Variants in CP observed in about 807,000 individuals in gnomAD.
The protein encoded by CP is caeruloplasmin.
In CP, 64 loss-of-function variants were observed where a neutral mutation model predicts 122.4. The observed-to-expected ratio is 0.52, with a 90% CI of 0.43 to 0.64. CP has a LOEUF of 0.64. Among genes scored for constraint, CP ranks in the 30% least tolerant of loss-of-function variants. The pLI is 0.00. For synonymous variants in CP, 440 were observed against 436.4 expected (o/e 1.01, Z -0.10); for missense variants, 1,167 against 1,284.4 (o/e 0.91, Z 1.40).
intron 9 of CP, among the ~76,000 whole-genome samples, chr3:149,189,553 C>CAAAAAAAAAAAAAAAAAAAAAAAA (rs368946126): frequency 1.1e-5 from 1 of 89,322 alleles, no homozygotes; most frequent in Non-Finnish European, 2.5e-5. Flanking sequence ...GACTCTATCT[C>CAAAAAAAAAAAAAAAAAAAAAAAA]AAAAAAAAAA....
chr3:149,212,371 A>G (rs1425222920), intron 2 of CP, 80 bp downstream of exon 2: 2 of 1,501,120 alleles, frequency 1.3e-6, no homozygotes, highest in Non-Finnish European at 1.8e-6. Flanking sequence ...TATCCAGGAG[A>G]GAAGTCCACA....
downstream of CP, among the ~76,000 whole-genome samples, chr3:149,170,034 T>A (rs142884254): frequency 6.6e-6 from 1 of 152,170 alleles, no homozygotes; most frequent in Non-Finnish European, 1.5e-5. Context: ...CAACCCTAAA[T>A]CAGGCCTAAT....
intron 3 of CP, 35 bp downstream of exon 3, chr3:149,210,132 G>T (rs1728009016): frequency 6.3e-7 from 1 of 1,593,538 alleles, no homozygotes; most frequent in African/African-American, 1.3e-5. Context: ...CCTGTCTTTT[G>T]GTCATATAGC....
chr3:149,203,702 C>A (rs554098444), intron 6 of CP, among the ~76,000 whole-genome samples: 3 of 152,320 alleles, frequency 2.0e-5, no homozygotes, highest in Admixed American at 2.0e-4. Context: ...TTCATCATTT[C>A]TTTCACTTGA....
intron 11 of CP, 120 bp from the exon 12 acceptor site, chr3:149,185,566 CCTT>C: frequency 2.3e-6 from 2 of 865,298 alleles, no homozygotes; most frequent in Non-Finnish European, 3.7e-6. Context: ...GCTTTCCACA[CCTT>C]CTGCTCACCC....
intron 4 of CP, among the ~76,000 whole-genome samples, chr3:149,208,303 C>T (rs889356895): frequency 2.0e-5 from 3 of 152,082 alleles, no homozygotes; most frequent in African/African-American, 4.8e-5. Context: ...TGGGAAGAAT[C>T]CTGAGTGCAC....
chr3:149,200,952 A>C (rs1326294579), intron 7 of CP, among the ~76,000 whole-genome samples: 2 of 152,080 alleles, frequency 1.3e-5, no homozygotes, highest in African/African-American at 4.8e-5. Context: ...GGAAAAAAAA[A>C]AGTGAAGAAC....
intron 1 of CP, among the ~76,000 whole-genome samples, chr3:149,218,723 CTT>C (rs1214103381): frequency 6.6e-6 from 1 of 152,096 alleles, no homozygotes; most frequent in African/African-American, 2.4e-5. Flanking sequence ...CTCATTTAAA[CTT>C]ATTCAGAAAT....
At chr3:149,217,382 T>G (rs545739784) in intron 1 of CP, among the ~76,000 whole-genome samples, 2 of 152,226 alleles carry the variant, frequency 1.3e-5, no homozygotes, top group South Asian at 2.1e-4. Flanking sequence ...GCGCCTTGGG[T>G]TCCTACGTAA....
chr3:149,206,279 A>G lies in CP; in HGVS notation c.1097T>C (p.Ile366Thr). Residue 366 changes from isoleucine (I) to threonine (T), a missense_variant, in exon 6 of 19, where the codon ATC (isoleucine) becomes ACC (threonine). Coordinates refer to ENST00000264613, the MANE Select transcript of CP (RefSeq NM_000096.4). Reference protein sequence around the residue: ...ECNKSSSKDNIRGKHVRHYYI... With the variant: ...ECNKSSSKDNTRGKHVRHYYI... ...GTAGTGTCTAACATGCTTCCCACGG[A>G]TATTATCCTTTGATGAAGACTTGTT... 4 of 1,614,014 alleles carry G rather than the reference A, an allele frequency of 2.5e-6. No homozygotes were observed. The Middle Eastern group carries it at 4.9e-4, about 200-fold the overall frequency.
At chr3:149,163,267 G>A (rs1310887101) in intron 5 of CP, among the ~76,000 whole-genome samples, 3 of 152,176 alleles carry the variant, frequency 2.0e-5, no homozygotes, top group African/African-American at 4.8e-5. Flanking sequence ...GAAGGCTGTG[G>A]GAGGGAGACT....
rs147593958 is a variant in CP at position 149,167,078 on chromosome 3, G to C, written c.587-1028C>G. 1 of 1,613,604 alleles carries C rather than the reference G, an allele frequency of 6.2e-7. No individual in the cohort carries two copies. Among genetic ancestry groups the C allele is most frequent in the Non-Finnish European group, 8.5e-7 (1 of 1,179,760 alleles). The stretch of plus-strand genomic sequence containing the variant: ...CATTTGACATAGCTTCCATTATTCC[G>C]TTCTTGGAGCCACTTTCAGAAGACA... On this transcript the variant is annotated intron_variant, in intron 4 of 5. Coordinates refer to the CP transcript ENST00000479771.
chr3:149,165,887 T>A, intron 5 of CP: 1 of 408,786 alleles, frequency 2.4e-6, no homozygotes, highest in Non-Finnish European at 4.9e-6. Context: ...GCCATCTGAT[T>A]GTCAGGAAAT....
rs979166440 is a variant in CP, at chr3:149,210,050, A to C, written c.607+117T>G. ...TTCCCTTCCTTTTTTTCTACTTACC[A>C]CCTCTCTACCTTACCTGCTCAATCT... On this transcript the variant is annotated intron_variant, in intron 3 of 18. Transcript: ENST00000264613. The C allele has an allele frequency of 5.2e-6, 5 of 955,666 alleles. No individual in the cohort carries two copies. In the African/African-American group the frequency reaches 8.2e-5, roughly 16 times the overall value. 59.2% of individuals were successfully genotyped at this position (955,666 alleles called of 1,614,324 possible).
intron 1 of CP, among the ~76,000 whole-genome samples, chr3:149,215,935 G>T (rs962710541): frequency 6.6e-6 from 1 of 152,128 alleles, no homozygotes; most frequent in Non-Finnish European, 1.5e-5. Flanking sequence ...CTTAGACCCA[G>T]AAATGAGTTT....
intron 13 of CP, among the ~76,000 whole-genome samples, chr3:149,183,056 T>C (rs897730973): frequency 2.0e-5 from 3 of 151,950 alleles, no homozygotes; most frequent in Non-Finnish European, 4.4e-5. Context: ...GAGGCTAAGG[T>C]GGGAGACTCA....
chr3:149,201,483 G>A (rs148178292), intron 7 of CP, among the ~76,000 whole-genome samples: 1 of 152,176 alleles, frequency 6.6e-6, no homozygotes, highest in Non-Finnish European at 1.5e-5. Flanking sequence ...TCACAACTTA[G>A]TTATCTATTT....
chr3:149,210,053 T>C (rs1728003788), intron 3 of CP, 114 bp downstream of exon 3: 1 of 1,015,216 alleles, frequency 9.9e-7, no homozygotes. Context: ...ACTTACCACC[T>C]CTCTACCTTA....
exon 6 of CP, chr3:149,162,435 G>GA (rs1011186746): frequency 3.6e-6 from 4 of 1,108,262 alleles, no homozygotes; most frequent in African/African-American, 1.6e-5. Context: ...TTTGTTTATT[G>GA]AAAAAACAGA....
Sources: gnomAD v4.1 joint callset for allele counts (sites outside exome capture counted in the v4.1 genomes callset) on GRCh38, gnomAD v4.1.1 for gene constraint, MANE v1.5 for transcripts, NCBI Gene and HGNC (gene_info 2026-07-23, HGNC 2026-07-21) for gene names.